Variants in FLI1 observed in about 807,000 individuals in gnomAD.
FLI1 encodes the protein Friend leukemia integration 1 transcription factor.
FLI1 carries 13 observed loss-of-function variants against 53.1 expected under a neutral mutation model. The observed-to-expected ratio is 0.24, with a 90% CI of 0.16 to 0.39. FLI1 has a LOEUF of 0.39. FLI1 is among the 10% of genes least tolerant of loss of function. The probability of loss-of-function intolerance (pLI) is 1.00; values close to 1 mark genes in which losing one functional copy is unlikely to be tolerated. For synonymous variants in FLI1, 244 were observed against 236.7 expected (o/e 1.03, Z -0.28); for missense variants, 424 against 600.5 (o/e 0.71, Z 3.07).
intron 5 of FLI1, among the ~76,000 whole-genome samples, chr11:128,792,154 C>G (rs1225488794): frequency 6.6e-6 from 1 of 152,130 alleles, no homozygotes; most frequent in Non-Finnish European, 1.5e-5. Context: ...GATGTTAAGC[C>G]TGAATCACAA....
chr11:128,752,953 C>T (rs1339369215), intron 1 of FLI1, among the ~76,000 whole-genome samples: 1 of 152,136 alleles, frequency 6.6e-6, no homozygotes, highest in East Asian at 1.9e-4. Flanking sequence ...AGGAGGGGGT[C>T]GTGGAAAGCA....
At chr11:128,738,712 T>C (rs1940007577) in intron 1 of FLI1, among the ~76,000 whole-genome samples, 1 of 152,222 alleles carries the variant, frequency 6.6e-6, no homozygotes, top group Admixed American at 6.5e-5. Context: ...GACAATGCAA[T>C]GACTAAGAGC....
intron 3 of FLI1, among the ~76,000 whole-genome samples, chr11:128,772,386 C>T (rs989217729): frequency 6.6e-6 from 1 of 152,192 alleles, no homozygotes; most frequent in Non-Finnish European, 1.5e-5. Context: ...TCTGAGGGAT[C>T]CGTGTTCTTT....
chr11:128,705,702 CT>C (rs1938516920), intron 1 of FLI1, among the ~76,000 whole-genome samples: 1 of 152,188 alleles, frequency 6.6e-6, no homozygotes, highest in South Asian at 2.1e-4. Context: ...CCAAAGCTGC[CT>C]CACACCAGTT....
At chr11:128,757,044 T>TTTTCTCTCTTTCTTTCTTTC (rs1555116904) in intron 1 of FLI1, among the ~76,000 whole-genome samples, 20 of 107,114 alleles carry the variant, frequency 1.9e-4, no homozygotes, top group African/African-American at 6.5e-4. Context: ...CTAGCTAATT[T>TTTTCTCTCTTTCTTTCTTTC]TTTCTTTCTT....
intron 1 of FLI1, among the ~76,000 whole-genome samples, chr11:128,757,545 T>C (rs939264723): frequency 6.6e-6 from 1 of 152,214 alleles, no homozygotes; most frequent in African/African-American, 2.4e-5. Flanking sequence ...AAACTATTTT[T>C]ATCCCTGTTA....
intron 5 of FLI1, among the ~76,000 whole-genome samples, chr11:128,795,707 C>G (rs774065178): frequency 6.6e-6 from 1 of 152,124 alleles, no homozygotes; most frequent in East Asian, 1.9e-4. Flanking sequence ...CCCACCACCA[C>G]GCCCAACTAA....
rs542310689 is a variant in FLI1, at chr11:128,755,326, G to A, written c.19-2789G>A. Reference sequence around the variant, plus strand: ...ACTGGAAACTCCAAGGTTCATGAATGATAAACTAAGAACGTAAGCCATTCT... The same window carrying A: ...ACTGGAAACTCCAAGGTTCATGAATAATAAACTAAGAACGTAAGCCATTCT... On this transcript the variant is annotated intron_variant, in intron 1 of 8. Transcript: ENST00000527786. 5.3e-5 allele frequency among the ~76,000 whole-genome samples: 8 copies of A among 152,352 alleles called. No homozygotes were observed. In the South Asian group the frequency reaches 1.7e-3, roughly 32 times the overall value.
intron 1 of FLI1, among the ~76,000 whole-genome samples, chr11:128,741,567 A>G (rs1438668374): frequency 6.6e-6 from 1 of 152,196 alleles, no homozygotes; most frequent in Non-Finnish European, 1.5e-5. Flanking sequence ...AGTGAGAGCC[A>G]CAACAATGGA....
intron 2 of FLI1, among the ~76,000 whole-genome samples, chr11:128,762,147 C>T (rs1052133965): frequency 2.0e-5 from 3 of 152,206 alleles, no homozygotes; most frequent in Admixed American, 1.3e-4. Context: ...AAAGCAATGA[C>T]AGAATGAAAT....
upstream of FLI1, chr11:128,686,402 G>A (rs549456921): frequency 6.6e-6 from 3 of 456,280 alleles, no homozygotes; most frequent in South Asian, 4.6e-5. Flanking sequence ...AATGGTGTGA[G>A]GTGGCTCTCA....
In FLI1 at chr11:128,805,518, G is replaced by C. The variant is rs1307051921; in HGVS notation, c.721+87G>C. 3.2e-5 allele frequency: 26 copies of C among 816,496 alleles called. No homozygotes were observed. The South Asian group carries it at 4.2e-4, about 13-fold the overall frequency. 50.6% of individuals were successfully genotyped at this position (816,496 alleles called of 1,614,324 possible). A position where few individuals can be genotyped will look rare whatever the true frequency, so the allele number is the denominator to read the frequency against. ...CAGGATCATGAGACACAGGAGAGCA[G>C]CAAGCATTTGTTTCCCTGCTTTTTG... On this transcript the variant is annotated intron_variant, in intron 6 of 8. Coordinates refer to ENST00000527786, the MANE Select transcript of FLI1 (RefSeq NM_002017.5).
chr11:128,747,646 C>G (rs1458828430), intron 1 of FLI1, among the ~76,000 whole-genome samples: 1 of 152,202 alleles, frequency 6.6e-6, no homozygotes, highest in African/African-American at 2.4e-5. Flanking sequence ...TACTGTGGGA[C>G]CTACTTTAAT....
chr11:128,707,365 C>T (rs556316502), intron 1 of FLI1, among the ~76,000 whole-genome samples: 3 of 152,194 alleles, frequency 2.0e-5, no homozygotes, highest in Admixed American at 6.5e-5. Context: ...TTCTCAAATA[C>T]GGTCTTTGGT....
At chr11:128,735,042 ACG>A (rs1667307650) in intron 1 of FLI1, among the ~76,000 whole-genome samples, 1 of 152,232 alleles carries the variant, frequency 6.6e-6, no homozygotes, top group Non-Finnish European at 1.5e-5. Flanking sequence ...CTTTATGACC[ACG>A]AACGTAGTCC....
rs1591795791 is a variant in FLI1, at chr11:128,768,111, A to C, written c.231-7A>C. The C allele has an allele frequency of 6.2e-7, 1 of 1,605,582 alleles. No individual in the cohort carries two copies. Among genetic ancestry groups the C allele is most frequent in the South Asian group, 1.1e-5 (1 of 90,180 alleles). On this transcript the variant is annotated splice_polypyrimidine_tract_variant and splice_region_variant and intron_variant, in intron 2 of 8. Coordinates refer to ENST00000527786, the MANE Select transcript of FLI1 (RefSeq NM_002017.5). Reference sequence around the variant, plus strand: ...CCGCCTCTGGGCTTTGTCTCTTCTCACTTTAGGGAGTCTCCGGTGGACTGC... The same window carrying C: ...CCGCCTCTGGGCTTTGTCTCTTCTCCCTTTAGGGAGTCTCCGGTGGACTGC...
intron 5 of FLI1, among the ~76,000 whole-genome samples, chr11:128,803,611 GT>G (rs759246662): frequency 2.6e-5 from 4 of 152,172 alleles, no homozygotes; most frequent in Admixed American, 6.5e-5. Context: ...CACAATCACA[GT>G]TACCCTCTCA....
At chr11:128,805,925 G>A (rs1264986656) in intron 6 of FLI1, 1 of 151,966 alleles carries the variant, frequency 6.6e-6, no homozygotes, top group Non-Finnish European at 1.5e-5. Context: ...TGTCCCTGAT[G>A]AGGAGATGCC....
chr11:128,705,134 C>T (rs1565457794), intron 1 of FLI1, among the ~76,000 whole-genome samples: 2 of 152,348 alleles, frequency 1.3e-5, no homozygotes, highest in African/African-American at 4.8e-5. Context: ...GTTTAGGCTA[C>T]GAGCCCATCT....
Sources: allele counts gnomAD v4.1 joint callset (sites outside exome capture counted in the v4.1 genomes callset), GRCh38; gene constraint gnomAD v4.1.1; transcripts MANE v1.5; gene names NCBI Gene and HGNC (gene_info 2026-07-23, HGNC 2026-07-21).